The following STARD8 variants were observed in gnomAD, a reference collection of about 807,000 sequenced individuals.
STARD8 encodes StAR related lipid transfer domain containing 8, also known as stAR-related lipid transfer protein 8.
In STARD8, 25 loss-of-function variants were observed where a neutral mutation model predicts 69.4. The observed-to-expected ratio is 0.36, with a 90% CI of 0.26 to 0.50. STARD8 has a LOEUF of 0.50. Among genes scored for constraint, STARD8 ranks in the 20% least tolerant of loss-of-function variants. STARD8 has a pLI of 0.96. For synonymous variants in STARD8, 389 were observed against 374.6 expected (o/e 1.04, Z -0.45); for missense variants, 921 against 932.5 (o/e 0.99, Z 0.16).
chrX:68,681,500 A>T (rs1417028107), intron 2 of STARD8, among the ~76,000 whole-genome samples: 3 of 112,917 alleles, frequency 2.7e-5, no homozygotes, highest in Admixed American at 1.9e-4. Context: ...CTTTTCTGCC[A>T]AGTGCATGTG....
chrX:68,704,396 C>G (rs887007631), intron 2 of STARD8, among the ~76,000 whole-genome samples: 4 of 111,360 alleles, frequency 3.6e-5, no homozygotes, highest in Non-Finnish European at 5.7e-5. Flanking sequence ...GCTGTGGGAG[C>G]TCTTTAGGTT....
chrX:68,649,607 C>T (rs753684934), intron 1 of STARD8, among the ~76,000 whole-genome samples: 2 of 111,198 alleles, frequency 1.8e-5, no homozygotes, highest in Non-Finnish European at 3.8e-5. Flanking sequence ...TTCAAATGAT[C>T]TTTCTCCTAC....
chrX:68,720,509 A>T, intron 8 of STARD8, 86 bp downstream of exon 8: 1 of 1,032,333 alleles, frequency 9.7e-7, no homozygotes, highest in East Asian at 3.4e-5. Flanking sequence ...GGAGCTGGGG[A>T]GAGGAACTGC....
chrX:68,699,835 A>G (rs758001100), intron 2 of STARD8, among the ~76,000 whole-genome samples: 2 of 111,977 alleles, frequency 1.8e-5, no homozygotes, highest in African/African-American at 6.5e-5. Flanking sequence ...CTTGGGTGCA[A>G]ATACCTTAGA....
intron 2 of STARD8, among the ~76,000 whole-genome samples, chrX:68,671,943 T>C (rs1177942378): frequency 8.9e-6 from 1 of 111,834 alleles, no homozygotes; most frequent in Non-Finnish European, 1.9e-5. Flanking sequence ...GAAGTTTCCA[T>C]GAACATTTCA....
intron 2 of STARD8, among the ~76,000 whole-genome samples, chrX:68,698,360 G>A (rs1199679074): frequency 1.8e-5 from 2 of 111,394 alleles, no homozygotes; most frequent in Admixed American, 9.5e-5. Context: ...AGCAAGAAAT[G>A]CCCACCCAAA....
intron 2 of STARD8, among the ~76,000 whole-genome samples, chrX:68,708,526 C>G (rs2080025517): frequency 8.9e-6 from 1 of 111,960 alleles, no homozygotes; most frequent in African/African-American, 3.2e-5. Flanking sequence ...GCTGCTCAGC[C>G]TTTCCTTCTT....
intron 2 of STARD8, among the ~76,000 whole-genome samples, chrX:68,667,092 A>G (rs762169823): frequency 4.4e-4 from 49 of 112,404 alleles, no homozygotes; most frequent in Non-Finnish European, 8.1e-4. Context: ...GTTGCCACCT[A>G]CAAAGCTGAG....
intron 1 of STARD8, among the ~76,000 whole-genome samples, chrX:68,661,964 CTCTCTCTCTT>C (rs1189386054): frequency 6.0e-4 from 48 of 79,475 alleles, no homozygotes; most frequent in African/African-American, 2.5e-3. Context: ...CTCTCTCTCT[CTCTCTCTCTT>C]TCTTTCTTTC....
At chrX:68,692,203 G>A (rs896416718) in intron 2 of STARD8, among the ~76,000 whole-genome samples, 2 of 111,992 alleles carry the variant, frequency 1.8e-5, no homozygotes, top group Non-Finnish European at 3.8e-5. Flanking sequence ...CTTCTGGTGT[G>A]CAGGCCTCAT....
rs779723274 is a variant in STARD8, at chrX:68,647,775, G to C, written c.-108G>C. ...GGCCGGCTCATGGAGCGCAGGGACC[G>C]GGCTGGCTCTCGCCGAGCCCCGGGC... On this transcript the variant is annotated 5_prime_UTR_variant, in exon 1 of 15. Transcript: ENST00000374599. 12 of 1,008,981 alleles carry C rather than the reference G, an allele frequency of 1.2e-5. No individual in the cohort carries two copies. Among genetic ancestry groups the C allele is most frequent in the Admixed American group, 2.9e-5 (1 of 34,815 alleles). 83.2% of individuals were successfully genotyped at this position (1,008,981 alleles called of 1,213,427 possible).
chrX:68,668,039 C>T (rs1190138056), intron 2 of STARD8, among the ~76,000 whole-genome samples: 3 of 107,208 alleles, frequency 2.8e-5, no homozygotes, highest in African/African-American at 1.0e-4. Flanking sequence ...TAATAATTTC[C>T]CTCTTTCTCT....
Position 68,725,576 on chromosome X carries a change from ATATG to A in STARD8, c.*1156_*1159del, listed in dbSNP as rs1266432756. 0.019 allele frequency: 1,988 copies of A among 104,362 alleles called. 73 individuals are homozygous for A. Among genetic ancestry groups the A allele is most frequent in the African/African-American group, 0.068 (1,883 of 27,496 alleles). The allele number at this position is 104,362 out of a possible 1,213,427, so 8.6% of individuals were successfully genotyped here. ...AGCTAATATATATATATATATATAT[ATATG>A]TGTGTGTGTGTGTGTGTGTATATGT... On this transcript the variant is annotated 3_prime_UTR_variant, in exon 15 of 15. Coordinates refer to ENST00000374599, the MANE Select transcript of STARD8 (RefSeq NM_001142503.3).
chrX:68,673,897 C>G (rs764824566), intron 2 of STARD8, among the ~76,000 whole-genome samples: 4 of 112,296 alleles, frequency 3.6e-5, no homozygotes, highest in Non-Finnish European at 7.5e-5. Flanking sequence ...AAGATGCTTC[C>G]AAGAGCATCT....
chrX:68,690,432 A>C (rs59380588), intron 2 of STARD8, among the ~76,000 whole-genome samples: 12 of 88,018 alleles, frequency 1.4e-4, no homozygotes, highest in South Asian at 5.3e-4. Flanking sequence ...CCAGGCAGGC[A>C]GGGCGGGGGG....
chrX:68,666,937 A>T (rs768879549), intron 2 of STARD8, among the ~76,000 whole-genome samples: 56 of 111,177 alleles, frequency 5.0e-4, no homozygotes, highest in Non-Finnish European at 8.7e-4. Context: ...TGAAATAGTG[A>T]CCCCCTTAGA....
rs1169605331 is a variant in STARD8 at position 68,661,970 on chromosome X, CTCTTTCTTTCTTTCTT to C, written c.46-3487_46-3472del. Among the ~76,000 whole-genome samples, 521 of 55,944 alleles carry C rather than the reference CTCTTTCTTTCTTTCTT, an allele frequency of 9.3e-3. 9 individuals are homozygous for C. Among genetic ancestry groups the C allele is most frequent in the Admixed American group, 0.024 (101 of 4,239 alleles). The allele number at this position is 55,944 out of a possible 115,157, so 48.6% of individuals were successfully genotyped here. A position where few individuals can be genotyped will look rare whatever the true frequency, so the allele number is the denominator to read the frequency against. ...CCTCTCTCTCTCTCTCTCTCTCTCT[CTCTTTCTTTCTTTCTT>C]TCTTTCTTTCTTTCTTTCTTTCTTT... is the stretch of plus-strand genomic sequence containing the variant. On this transcript the variant is annotated intron_variant, in intron 1 of 14. Coordinates refer to ENST00000374599, the MANE Select transcript of STARD8 (RefSeq NM_001142503.3).
At chrX:68,668,119 T>G (rs866741858) in intron 2 of STARD8, among the ~76,000 whole-genome samples, 12 of 92,089 alleles carry the variant, frequency 1.3e-4, no homozygotes, top group Non-Finnish European at 2.0e-4. Flanking sequence ...CTTTCTGTCT[T>G]TCTTTCTTTC....
intron 1 of STARD8, among the ~76,000 whole-genome samples, chrX:68,651,413 A>G (rs2079547308): frequency 1.8e-5 from 2 of 112,317 alleles, no homozygotes; most frequent in Non-Finnish European, 3.8e-5. Flanking sequence ...TGCTGCTTTG[A>G]GGCCCCAGTC....
Sources: gnomAD v4.1 joint callset for allele counts (sites outside exome capture counted in the v4.1 genomes callset) on GRCh38, gnomAD v4.1.1 for gene constraint, MANE v1.5 for transcripts, NCBI Gene and HGNC (gene_info 2026-07-23, HGNC 2026-07-21) for gene names.